ISLR2: variants seen among roughly 807,000 people sequenced by gnomAD.
The protein encoded by ISLR2 is immunoglobulin superfamily containing leucine rich repeat 2.
ISLR2 carries 16 observed loss-of-function variants against 25.5 expected under a neutral mutation model. The observed-to-expected ratio is 0.63, with a 90% confidence interval of 0.43 to 0.95. The LOEUF (loss-of-function observed/expected upper bound fraction) is 0.95, where lower values mean the gene tolerates loss of function less well. ISLR2 is among the 40% of genes least tolerant of loss of function. The probability of loss-of-function intolerance (pLI) is 0.00; values close to 1 mark genes in which losing one functional copy is unlikely to be tolerated. For missense variants in ISLR2, 883 were observed against 1,030.7 expected (o/e 0.86, Z 1.96); for synonymous variants, 508 against 486.6 (o/e 1.04, Z -0.58).
At chr15:74,125,480 T>C (rs2072287849), upstream of ISLR2, among the ~76,000 whole-genome samples, 1 of 152,210 alleles carries the variant, frequency 6.6e-6, no homozygotes, top group Non-Finnish European at 1.5e-5. Context: ...GCTCAAATAT[T>C]CCTTCTATCT....
At chr15:74,108,913 G>C (rs2141928009) in intron 2 of ISLR2, among the ~76,000 whole-genome samples, 1 of 152,274 alleles carries the variant, frequency 6.6e-6, no homozygotes, top group African/African-American at 2.4e-5. Flanking sequence ...ATGTGCCCAG[G>C]CCCAGGGTGT....
At position 74,134,265 on chromosome 15, in the gene ISLR2, C is replaced by T. The variant is rs1178197724; in HGVS notation, c.1511C>T (p.Pro504Leu). ...CGCGAGGCGCGGGTGCAGCTGACTC[C>T]GCTGGCTGCGCGCTGGGGCCCTGGG... ...AEREARVQLT[P>L]LAARWGPGPG... The change falls in exon 3 of 3, where the codon CCG (proline) becomes CTG (leucine). Residue 504 changes from proline to leucine, a missense_variant. Transcript: ENST00000453268. 2 of 1,558,764 alleles carry T rather than the reference C, an allele frequency of 1.3e-6. No individual in the cohort carries two copies. The highest frequency in any genetic ancestry group is 1.2e-5 in the South Asian group (1 of 85,096).
rs1225828529 is a variant in ISLR2, at chr15:74,136,527, G to C, written c.*1535G>C. 2 of 155,578 alleles carry C rather than the reference G, an allele frequency of 1.3e-5. No individual in the cohort carries two copies. The highest frequency in any genetic ancestry group is 3.0e-5 in the Non-Finnish European group (2 of 65,644). The allele number at this position is 155,578 out of a possible 1,614,324, so 9.6% of individuals were successfully genotyped here. On this transcript the variant is annotated 3_prime_UTR_variant, in exon 3 of 3. Coordinates refer to ENST00000453268, the MANE Select transcript of ISLR2 (RefSeq NM_020851.3). The stretch of plus-strand genomic sequence containing the variant: ...CCTGTAGGAGAAAAGTCTGTGTCCT[G>C]TGAAGTGTGACCGTGTAGTGTAGGG...
chr15:74,104,518 C>A (rs2072105127), intron 2 of ISLR2, among the ~76,000 whole-genome samples: 1 of 152,198 alleles, frequency 6.6e-6, no homozygotes, highest in South Asian at 2.1e-4. Context: ...CATGGTGGCT[C>A]ATGCCTGTAA....
chr15:74,138,194 C>G (rs1220905936), downstream of ISLR2: 1 of 151,984 alleles, frequency 6.6e-6, no homozygotes, highest in Non-Finnish European at 1.5e-5. Flanking sequence ...ATTGCTTGCC[C>G]TCTCAGCACA....
chr15:74,140,671 G>A (rs2072606597), downstream of ISLR2, among the ~76,000 whole-genome samples: 1 of 152,186 alleles, frequency 6.6e-6, no homozygotes, highest in South Asian at 2.1e-4. Flanking sequence ...TGCCAAGTCT[G>A]ACCTAACAAA....
At chr15:74,119,046 C>A (rs1163928227) in intron 2 of ISLR2, among the ~76,000 whole-genome samples, 1 of 152,076 alleles carries the variant, frequency 6.6e-6, no homozygotes, top group African/African-American at 2.4e-5. Context: ...GTGTAATGAT[C>A]AAATCATAAT....
intron 2 of ISLR2, among the ~76,000 whole-genome samples, chr15:74,113,796 G>A (rs1306506144): frequency 1.3e-5 from 2 of 152,226 alleles, no homozygotes; most frequent in East Asian, 3.8e-4. Context: ...CAAGAGTGGA[G>A]ACTCTGGCTG....
At chr15:74,103,046 G>A (rs959052525) in intron 1 of ISLR2, among the ~76,000 whole-genome samples, 3 of 149,824 alleles carry the variant, frequency 2.0e-5, no homozygotes, top group African/African-American at 7.5e-5. Context: ...GACCTCAGGT[G>A]ATCCACCCAC....
At chr15:74,116,164 T>C (rs1372331374) in intron 2 of ISLR2, among the ~76,000 whole-genome samples, 1 of 152,168 alleles carries the variant, frequency 6.6e-6, no homozygotes, top group Non-Finnish European at 1.5e-5. Flanking sequence ...GCCACTGCAC[T>C]CCAGCCTGGG....
intron 2 of ISLR2, among the ~76,000 whole-genome samples, chr15:74,131,538 C>T (rs962066835): frequency 2.0e-5 from 3 of 152,156 alleles, no homozygotes; most frequent in Non-Finnish European, 2.9e-5. Flanking sequence ...CAAATGGGGG[C>T]AGGGAGTCTG....
intron 2 of ISLR2, among the ~76,000 whole-genome samples, chr15:74,106,560 T>A (rs2072121235): frequency 6.6e-6 from 1 of 152,038 alleles, no homozygotes; most frequent in African/African-American, 2.4e-5. Context: ...ACCACTGAGT[T>A]CAGTCTTGGG....
rs2072542495 is a variant in ISLR2 at position 74,135,154 on chromosome 15, G to C, written c.*162G>C. ...CTACCAGGGACTTCTATTAGGGAGT[G>C]GGCCGATTTCACCAGTCCCTGCTAC... On this transcript the variant is annotated 3_prime_UTR_variant, in exon 3 of 3. Coordinates refer to ENST00000453268, the MANE Select transcript of ISLR2 (RefSeq NM_020851.3). 1.2e-6 allele frequency: 1 copy of C among 848,640 alleles called. No individual in the cohort carries two copies. Among genetic ancestry groups the C allele is most frequent in the Admixed American group, 2.9e-5 (1 of 34,362 alleles). 52.6% of individuals were successfully genotyped at this position (848,640 alleles called of 1,614,324 possible).
chr15:74,133,124 G>A lies in ISLR2; in HGVS notation c.370G>A (p.Ala124Thr), dbSNP rs1253950813. ...GTGGAGCGACCTGCGCAACCTGAGC[G>A]CGCTGCAGCTGCTCAAAATGAACCA... ...FPWSDLRNLS[A>T]LQLLKMNHNR... Residue 124 changes from alanine to threonine, a missense_variant, in exon 3 of 3, where the codon GCG becomes ACG. By Grantham distance (58) the Ala-to-Thr change is moderately conservative. Coordinates refer to ENST00000453268, the MANE Select transcript of ISLR2 (RefSeq NM_020851.3). 6.2e-7 allele frequency: 1 copy of A among 1,612,630 alleles called. No individual in the cohort carries two copies. The highest frequency in any genetic ancestry group is 8.5e-7 in the Non-Finnish European group (1 of 1,179,976).
At chr15:74,122,057 G>A (rs1029875690) in intron 2 of ISLR2, among the ~76,000 whole-genome samples, 7 of 152,172 alleles carry the variant, frequency 4.6e-5, no homozygotes, top group African/African-American at 1.2e-4. Flanking sequence ...TGCCACTGTC[G>A]AGGCCACACC....
intron 2 of ISLR2, among the ~76,000 whole-genome samples, chr15:74,122,180 C>T (rs1247363188): frequency 1.3e-5 from 2 of 152,268 alleles, no homozygotes; most frequent in African/African-American, 4.8e-5. Context: ...CCATTCCCAA[C>T]TGCTCTGTGA....
upstream of ISLR2, among the ~76,000 whole-genome samples, chr15:74,125,251 G>T (rs557262104): frequency 3.3e-5 from 5 of 151,964 alleles, no homozygotes; most frequent in African/African-American, 7.2e-5. Context: ...TTTTGTTTTT[G>T]TTTTGAGACA....
chr15:74,124,941 G>A (rs112271439), upstream of ISLR2, among the ~76,000 whole-genome samples: 3 of 152,138 alleles, frequency 2.0e-5, no homozygotes, highest in Non-Finnish European at 2.9e-5. Flanking sequence ...ATCAACAGCC[G>A]GGAAGCCAGC....
intron 2 of ISLR2, among the ~76,000 whole-genome samples, chr15:74,119,253 A>T (rs1225864684): frequency 6.6e-6 from 1 of 151,706 alleles, no homozygotes; most frequent in Non-Finnish European, 1.5e-5. Context: ...CTCTGTCCCC[A>T]AGGCTGGAAT....
Sources: gnomAD v4.1 joint callset for allele counts (sites outside exome capture counted in the v4.1 genomes callset) on GRCh38, gnomAD v4.1.1 for gene constraint, MANE v1.5 for transcripts, NCBI Gene and HGNC (gene_info 2026-07-23, HGNC 2026-07-21) for gene names.